The following IMPA1 variants were observed in gnomAD, a reference collection of about 807,000 sequenced individuals.
The protein encoded by IMPA1 is inositol monophosphatase 1.
In IMPA1, 21 loss-of-function variants were observed where a neutral mutation model predicts 34.9. The ratio of observed to expected loss-of-function variants is 0.60; its 90% CI spans 0.43 to 0.87. The LOEUF (loss-of-function observed/expected upper bound fraction) is 0.87, where lower values mean the gene tolerates loss of function less well. Among genes scored for constraint, IMPA1 ranks in the 40% least tolerant of loss-of-function variants. The probability of loss-of-function intolerance (pLI) is 0.00; values close to 1 mark genes in which losing one functional copy is unlikely to be tolerated. For missense variants in IMPA1, 299 were observed against 336.4 expected (o/e 0.89, Z 0.87); for synonymous variants, 95 against 104.4 (o/e 0.91, Z 0.55).
At chr8:81,679,338 G>A (rs1237637713) in intron 3 of IMPA1, 108 bp from the exon 4 acceptor site, 1 of 770,278 alleles carries the variant, frequency 1.3e-6, no homozygotes, top group Admixed American at 2.0e-5. Flanking sequence ...AGCAGGCGAG[G>A]TGTGGAGGTT....
chr8:81,674,387 C>T (rs1431404066), intron 5 of IMPA1: 1 of 180,338 alleles, frequency 5.5e-6, no homozygotes, highest in Non-Finnish European at 1.2e-5. Context: ...CTATCCTTTT[C>T]CCTTCACTGC....
intron 7 of IMPA1, 83 bp from the exon 8 acceptor site, chr8:81,660,750 C>A: frequency 3.6e-6 from 4 of 1,120,058 alleles, no homozygotes; most frequent in South Asian, 3.7e-5. Context: ...CTTTAAGTGT[C>A]GATTGAAGAA....
rs1806972964 is a variant in IMPA1 at position 81,671,000 on chromosome 8, G to A, written c.505C>T (p.Pro169Ser). The change falls in exon 7 of 9, where the codon CCA becomes TCA. Residue 169 changes from proline (P) to serine (S), a missense_variant. Physicochemically the swap from Pro to Ser is moderately conservative, Grantham distance 74. Transcript: ENST00000256108. The stretch of plus-strand genomic sequence containing the variant: ...GAAAGAACCATTCTCACAGTCTCTG[G>A]TGTTCTGGAAGAGCCCAACTCAGTC... ...LVTELGSSRT[P>S]ETVRMVLSNM... 1 of 1,532,778 alleles carries A rather than the reference G, an allele frequency of 6.5e-7. No individual in the cohort carries two copies. Among genetic ancestry groups the A allele is most frequent in the Middle Eastern group, 1.7e-4 (1 of 5,878 alleles). 94.9% of individuals were successfully genotyped at this position (1,532,778 alleles called of 1,614,324 possible). A position where few individuals can be genotyped will look rare whatever the true frequency, so the allele number is the denominator to read the frequency against.
At chr8:81,679,278 A>G (rs1807222194) in intron 3 of IMPA1, 48 bp from the exon 4 acceptor site, 1 of 1,200,844 alleles carries the variant, frequency 8.3e-7, no homozygotes, top group African/African-American at 1.5e-5. Flanking sequence ...TGATTTCAAC[A>G]ATTTCCAAAT....
At chr8:81,684,118 C>T (rs1230741280) in intron 1 of IMPA1, among the ~76,000 whole-genome samples, 2 of 117,684 alleles carry the variant, frequency 1.7e-5, no homozygotes, top group African/African-American at 3.0e-5. Context: ...TATATATACA[C>T]ACACACACAC....
Position 81,681,537 on chromosome 8 carries a change from G to C in IMPA1, c.24C>G (p.Cys8Trp). The C allele has an allele frequency of 1.2e-6, 2 of 1,608,128 alleles. No individual in the cohort carries two copies. Among genetic ancestry groups the C allele is most frequent in the Non-Finnish European group, 1.7e-6 (2 of 1,175,136 alleles). ...TTGCTAGAGTTACTGCATAATCCAT[G>C]CATTCCTGCCAAGGATCAGCCATCT... MADPWQE[C>W]MDYAVTLARQ... Residue 8 changes from cysteine (C) to tryptophan (W), a missense_variant, in exon 2 of 9, where the codon TGC becomes TGG. Physicochemically the swap from Cys to Trp is radical, Grantham distance 215 (BLOSUM62 -2). Transcript: ENST00000256108.
rs758217847 is a variant in IMPA1, at chr8:81,676,287, T to G, written c.303-8A>C. On this transcript the variant is annotated splice_polypyrimidine_tract_variant and splice_region_variant and intron_variant, in intron 4 of 8. Transcript: ENST00000256108. ...ACAGCTACAAAAGGAAATCTTTTTT[T>G]AAAAAAAAGGACAAAATACAAATTA... is the stretch of plus-strand genomic sequence containing the variant. The G allele has an allele frequency of 7.9e-7, 1 of 1,263,980 alleles. No individual in the cohort carries two copies. Among genetic ancestry groups the G allele is most frequent in the Non-Finnish European group, 1.1e-6 (1 of 917,294 alleles). 78.3% of individuals were successfully genotyped at this position (1,263,980 alleles called of 1,614,324 possible).
Position 81,673,846 on chromosome 8 carries a change from T to G in IMPA1, c.452A>C (p.Gln151Pro). ...CNGQKLQVSQQEDITKSLLVT... is the reference protein window; with the variant it reads ...CNGQKLQVSQPEDITKSLLVT... ...AAAATTGGAATTAATCCTACCTTCT[T>G]GTTGTGAAACTTGTAGTTTTTGACC... Residue 151 changes from glutamine (Q) to proline (P), a missense_variant, in exon 6 of 9, where the codon CAA becomes CCA. Coordinates refer to ENST00000256108, the MANE Select transcript of IMPA1 (RefSeq NM_005536.4). 1 of 1,577,172 alleles carries G rather than the reference T, an allele frequency of 6.3e-7. No homozygotes were observed. The highest frequency in any genetic ancestry group is 8.7e-7 in the Non-Finnish European group (1 of 1,146,768).
At chr8:81,665,942 C>T (rs950663897) in intron 7 of IMPA1, among the ~76,000 whole-genome samples, 6 of 152,180 alleles carry the variant, frequency 3.9e-5, no homozygotes, top group African/African-American at 9.7e-5. Context: ...TGCCCTCCCC[C>T]AAGGAATCTA....
intron 3 of IMPA1, 53 bp downstream of exon 3, chr8:81,680,597 C>T: frequency 2.2e-6 from 3 of 1,381,614 alleles, no homozygotes; most frequent in Non-Finnish European, 3.1e-6. Context: ...TATGCAGAAC[C>T]CCAAGAAATG....
In IMPA1 at chr8:81,686,270, CGGCTA is replaced by C; in HGVS notation, c.-48_-44del. The C allele has an allele frequency of 1.0e-6, 1 of 1,000,170 alleles. No homozygotes were observed. Among genetic ancestry groups the C allele is most frequent in the South Asian group, 4.3e-5 (1 of 23,498 alleles). 62.0% of individuals were successfully genotyped at this position (1,000,170 alleles called of 1,614,324 possible). On this transcript the variant is annotated 5_prime_UTR_variant, in exon 1 of 9. Coordinates refer to ENST00000256108, the MANE Select transcript of IMPA1 (RefSeq NM_005536.4). The stretch of plus-strand genomic sequence containing the variant: ...GTCTCACCTTGAGTCGGAGGACGTC[CGGCTA>C]GCTCTGTGAACGGTGTTACCGCACT...
At chr8:81,662,435 A>G (rs533778510) in intron 7 of IMPA1, among the ~76,000 whole-genome samples, 1 of 152,332 alleles carries the variant, frequency 6.6e-6, no homozygotes, top group African/African-American at 2.4e-5. Context: ...ATGGTCTTAC[A>G]ATCAGCAAGA....
At chr8:81,683,655 G>A (rs1429003139) in intron 1 of IMPA1, among the ~76,000 whole-genome samples, 3 of 152,094 alleles carry the variant, frequency 2.0e-5, no homozygotes, top group African/African-American at 7.2e-5. Flanking sequence ...AAGATGAGAG[G>A]CCTCTGTAAA....
At chr8:81,669,839 G>A (rs1806937698) in intron 7 of IMPA1, among the ~76,000 whole-genome samples, 1 of 152,182 alleles carries the variant, frequency 6.6e-6, no homozygotes, top group Admixed American at 6.5e-5. Flanking sequence ...CTGAAAGGTG[G>A]GGTCTCTAAG....
chr8:81,662,775 T>C (rs751674394), intron 7 of IMPA1, among the ~76,000 whole-genome samples: 1 of 152,206 alleles, frequency 6.6e-6, no homozygotes, highest in Non-Finnish European at 1.5e-5. Context: ...ATAATAAAAA[T>C]AGCTTTTTTT....
rs1585901430 is a variant in IMPA1 at position 81,678,994 on chromosome 8, T to C, written c.302+132A>G. The C allele has an allele frequency of 3.4e-5, 20 of 595,766 alleles. No individual in the cohort carries two copies. In the East Asian group the frequency reaches 5.8e-4, roughly 17 times the overall value. The allele number at this position is 595,766 out of a possible 1,614,324, so 36.9% of individuals were successfully genotyped here. On this transcript the variant is annotated intron_variant, in intron 4 of 8. Coordinates refer to ENST00000256108, the MANE Select transcript of IMPA1 (RefSeq NM_005536.4). ...TTGCTCCACTTTTACATTTTATATA[T>C]ACTTTATTAGAATAAAGAAGCATAA...
At chr8:81,683,606 A>T (rs1040050900) in intron 1 of IMPA1, among the ~76,000 whole-genome samples, 1 of 152,154 alleles carries the variant, frequency 6.6e-6, no homozygotes, top group South Asian at 2.1e-4. Context: ...AGTTTGGGAT[A>T]TAGGTAGGAG....
At chr8:81,664,344 T>C (rs1258792958) in intron 7 of IMPA1, among the ~76,000 whole-genome samples, 1 of 151,946 alleles carries the variant, frequency 6.6e-6, no homozygotes, top group Non-Finnish European at 1.5e-5. Context: ...ATGCAAACTC[T>C]CAAACTACCT....
chr8:81,665,140 T>G (rs1008169026), intron 7 of IMPA1, among the ~76,000 whole-genome samples: 1 of 150,442 alleles, frequency 6.6e-6, no homozygotes, highest in African/African-American at 2.5e-5. Context: ...AATGGTTTTG[T>G]TTTTTCTTTT....
Sources: allele counts gnomAD v4.1 joint callset (sites outside exome capture counted in the v4.1 genomes callset), GRCh38; gene constraint gnomAD v4.1.1; transcripts MANE v1.5; gene names NCBI Gene and HGNC (gene_info 2026-07-23, HGNC 2026-07-21).